JCAD: variants seen among roughly 807,000 people sequenced by gnomAD.
JCAD encodes junctional cadherin 5 associated.
A neutral mutation model predicts 98.0 loss-of-function variants in JCAD; 40 were observed. That is an observed-to-expected ratio of 0.41 (90% CI 0.32 to 0.53). The LOEUF is 0.53. JCAD is among the 20% of genes least tolerant of loss of function. JCAD has a pLI of 0.31. For synonymous variants in JCAD, 691 were observed against 682.3 expected (o/e 1.01, Z -0.20); for missense variants, 1,705 against 1,738.1 (o/e 0.98, Z 0.34).
intron 1 of JCAD, among the ~76,000 whole-genome samples, chr10:30,104,916 G>A (rs1240697098): frequency 6.6e-6 from 1 of 151,980 alleles, no homozygotes; most frequent in East Asian, 1.9e-4. Flanking sequence ...CATGTTACCT[G>A]TGATAATAAT....
At chr10:30,069,156 G>T (rs185294023) in intron 2 of JCAD, among the ~76,000 whole-genome samples, 207 of 152,304 alleles carry the variant, frequency 1.4e-3, no homozygotes, top group African/African-American at 4.8e-3. Flanking sequence ...GATGAAACAT[G>T]TCTGTTGAAT....
rs1214807491 is a variant in JCAD, at chr10:30,014,106, C to G, written c.*3777G>C. ...GTGGGTCCCAGAGTGGACCAACCCACACTCCTGGAGAAGGACCTCCCGCCA... is the reference window on the plus strand; with the variant it reads ...GTGGGTCCCAGAGTGGACCAACCCAGACTCCTGGAGAAGGACCTCCCGCCA... On this transcript the variant is annotated 3_prime_UTR_variant, in exon 4 of 4. Transcript: ENST00000375377. 1 of 152,216 alleles carries G rather than the reference C, an allele frequency of 6.6e-6. No individual in the cohort carries two copies. Among genetic ancestry groups the G allele is most frequent in the East Asian group, 1.9e-4 (1 of 5,202 alleles). 9.4% of individuals were successfully genotyped at this position (152,216 alleles called of 1,614,324 possible). A position where few individuals can be genotyped will look rare whatever the true frequency, so the allele number is the denominator to read the frequency against.
At chr10:30,091,578 A>G (rs1295217385) in intron 1 of JCAD, among the ~76,000 whole-genome samples, 1 of 152,124 alleles carries the variant, frequency 6.6e-6, no homozygotes, top group Non-Finnish European at 1.5e-5. Flanking sequence ...TTAGGGCTAC[A>G]TATGTAATTA....
intron 2 of JCAD, among the ~76,000 whole-genome samples, chr10:30,034,980 T>C (rs1837080389): frequency 1.3e-5 from 2 of 152,134 alleles, no homozygotes; most frequent in Non-Finnish European, 2.9e-5. Context: ...TTCCTGACAG[T>C]CCTGTGAACG....
chr10:30,113,898 A>C (rs1838748586), intron 1 of JCAD, among the ~76,000 whole-genome samples: 1 of 152,108 alleles, frequency 6.6e-6, no homozygotes, highest in Non-Finnish European at 1.5e-5. Context: ...TTTTTAATAG[A>C]TGGATCTTGC....
At chr10:30,039,503 A>T (rs564232491) in intron 2 of JCAD, among the ~76,000 whole-genome samples, 2 of 152,090 alleles carry the variant, frequency 1.3e-5, no homozygotes, top group Non-Finnish European at 2.9e-5. Flanking sequence ...ATACCTTCAA[A>T]GTGTTATTCA....
intron 2 of JCAD, among the ~76,000 whole-genome samples, chr10:30,031,212 A>C (rs1448054131): frequency 6.6e-6 from 1 of 151,898 alleles, no homozygotes; most frequent in Non-Finnish European, 1.5e-5. Context: ...CTGCAGCCTC[A>C]AACTCCTGGG....
In JCAD at chr10:30,028,719, G is replaced by C; in HGVS notation, c.1429C>G (p.Pro477Ala). 1 of 1,613,746 alleles carries C rather than the reference G, an allele frequency of 6.2e-7. No individual in the cohort carries two copies. Among genetic ancestry groups the C allele is most frequent in the Non-Finnish European group, 8.5e-7 (1 of 1,179,784 alleles). Residue 477 changes from proline to alanine, a missense_variant, in exon 3 of 4, where the codon CCA becomes GCA. By Grantham distance (27) the Pro-to-Ala change is conservative. Transcript: ENST00000375377. ...CCCGACGGGGGTATTAAGCTCTGTG[G>C]ATTCCAAATGGCACCATCAGGCTGC... ...GMQPDGAIWN[P>A]QSLIPPSGDE...
At chr10:30,046,364 T>C (rs2132642042) in intron 2 of JCAD, among the ~76,000 whole-genome samples, 1 of 152,238 alleles carries the variant, frequency 6.6e-6, no homozygotes, top group African/African-American at 2.4e-5. Flanking sequence ...CTTTTTGTTG[T>C]AAGGAAACAC....
chr10:30,114,819 A>G (rs1167326488), intron 1 of JCAD, among the ~76,000 whole-genome samples: 2 of 123,690 alleles, frequency 1.6e-5, no homozygotes, highest in African/African-American at 5.9e-5. Flanking sequence ...CAAAAATTTT[A>G]AAGCCGAATA....
In JCAD at chr10:30,027,863, C is replaced by A; in HGVS notation, c.2285G>T (p.Ser762Ile). The A allele has an allele frequency of 6.2e-7, 1 of 1,614,268 alleles. No individual in the cohort carries two copies. Among genetic ancestry groups the A allele is most frequent in the Non-Finnish European group, 8.5e-7 (1 of 1,180,044 alleles). ...GHRSLSPSSN[S>I]AFSRTSLSVD... ...GGACAAGGAAGTCCTTGAGAACGCA[C>A]TGTTGCTGGATGGGCTGAGGGACCT... Residue 762 changes from serine to isoleucine, a missense_variant, in exon 3 of 4, where the codon AGT (serine) becomes ATT (isoleucine). Ser to Ile is a moderately radical substitution (Grantham distance 142). Coordinates refer to ENST00000375377, the MANE Select transcript of JCAD (RefSeq NM_020848.4).
At chr10:30,037,250 G>A (rs979637197) in intron 2 of JCAD, among the ~76,000 whole-genome samples, 5 of 152,184 alleles carry the variant, frequency 3.3e-5, no homozygotes, top group Non-Finnish European at 7.3e-5. Flanking sequence ...GCATGATTTG[G>A]TCTATTCAGT....
intron 1 of JCAD, among the ~76,000 whole-genome samples, chr10:30,048,163 C>T (rs1837394977): frequency 6.6e-6 from 1 of 152,200 alleles, no homozygotes; most frequent in Non-Finnish European, 1.5e-5. Context: ...TAAGCAGTGA[C>T]ATGATTAACA....
intron 1 of JCAD, among the ~76,000 whole-genome samples, chr10:30,107,145 G>A (rs1385999653): frequency 2.0e-5 from 3 of 152,138 alleles, no homozygotes; most frequent in Admixed American, 6.5e-5. Context: ...AAACCAGAGC[G>A]ACTCCATCTT....
intron 1 of JCAD, among the ~76,000 whole-genome samples, chr10:30,096,219 A>G: frequency 6.6e-6 from 1 of 152,036 alleles, no homozygotes; most frequent in South Asian, 2.1e-4. Flanking sequence ...GGTGCTGGGG[A>G]CAGAGGCATG....
At chr10:30,071,935 C>T (rs1196500967) in intron 1 of JCAD, among the ~76,000 whole-genome samples, 1 of 152,102 alleles carries the variant, frequency 6.6e-6, no homozygotes, top group Non-Finnish European at 1.5e-5. Flanking sequence ...GGCAAGTGAA[C>T]AGAGGTTAAT....
At position 30,059,193 on chromosome 10, in the gene JCAD, G is replaced by C. The variant is rs568744656; in HGVS notation, c.-60+289C>G. On this transcript the variant is annotated intron_variant, in intron 1 of 3. Coordinates refer to ENST00000375377, the MANE Select transcript of JCAD (RefSeq NM_020848.4). The surrounding 1 kb of genome is among the most constrained non-coding windows in gnomAD (Gnocchi z 5.0). The stretch of plus-strand genomic sequence containing the variant: ...AGCCGCGGCCCGCGGTGCCCGCCCC[G>C]GGACCCCCGCGCTCCGAGCGGGGCA... 4.5e-3 allele frequency among the ~76,000 whole-genome samples: 687 copies of C among 151,714 alleles called. 10 individuals are homozygous for C. The South Asian group carries it at 0.05, about 11-fold the overall frequency.
chr10:30,113,412 G>A lies in JCAD; in HGVS notation n.128+1955C>T, dbSNP rs183201148. ...CTAAAAATACAAAAATCAACCGGGCGTGGTGGCAGGCGCCTGTAATCCCAG... is the reference window on the plus strand; with the variant it reads ...CTAAAAATACAAAAATCAACCGGGCATGGTGGCAGGCGCCTGTAATCCCAG... On this transcript the variant is annotated intron_variant and non_coding_transcript_variant, in intron 1 of 2. Coordinates refer to the JCAD transcript ENST00000465712. Among the ~76,000 whole-genome samples the A allele has an allele frequency of 3.3e-3, 503 of 151,982 alleles. 2 individuals carry two copies. The highest frequency in any genetic ancestry group is 0.012 in the African/African-American group (480 of 41,472).
intron 1 of JCAD, among the ~76,000 whole-genome samples, chr10:30,057,587 T>C (rs1397536976): frequency 1.3e-5 from 2 of 152,166 alleles, no homozygotes; most frequent in African/African-American, 4.8e-5. Context: ...ACAGGCTTTC[T>C]CCACCCACCC....
Sources: allele counts gnomAD v4.1 joint callset (sites outside exome capture counted in the v4.1 genomes callset), GRCh38; gene constraint gnomAD v4.1.1; non-coding constraint Gnocchi (gnomAD v3.1); transcripts MANE v1.5; gene names NCBI Gene and HGNC (gene_info 2026-07-23, HGNC 2026-07-21).